Variants in ZCCHC14 observed in about 807,000 individuals in gnomAD.
The protein encoded by ZCCHC14 is zinc finger CCHC domain-containing protein 14.
In ZCCHC14, 16 loss-of-function variants were observed where a neutral mutation model predicts 85.0. The ratio of observed to expected loss-of-function variants is 0.19; its 90% CI spans 0.13 to 0.29. The LOEUF is 0.29. Ranked by LOEUF, ZCCHC14 falls within the 10% of genes least tolerant of loss-of-function variation. The pLI, the probability that ZCCHC14 is intolerant of heterozygous loss-of-function variation, is 1.00. For missense variants in ZCCHC14, 1,303 were observed against 1,443.5 expected (o/e 0.90, Z 1.58); for synonymous variants, 775 against 630.7 (o/e 1.23, Z -3.43).
At position 87,408,027 on chromosome 16, in the gene ZCCHC14, G is replaced by A. The variant is rs1375092679; in HGVS notation, c.*2253C>T. 6.6e-6 allele frequency: 1 copy of A among 152,668 alleles called. No individual in the cohort carries two copies. Among genetic ancestry groups the A allele is most frequent in the African/African-American group, 2.4e-5 (1 of 41,462 alleles). 9.5% of individuals were successfully genotyped at this position (152,668 alleles called of 1,614,324 possible). ...GTTCAAGACGACTGGCAGCTCCGCA[G>A]AGGCCTTCGCTGCTGGGAACACAGC... On this transcript the variant is annotated 3_prime_UTR_variant, in exon 13 of 13. Coordinates refer to ENST00000671377, the MANE Select transcript of ZCCHC14 (RefSeq NM_015144.3).
chr16:87,486,391 T>A (rs1431735751), intron 1 of ZCCHC14, among the ~76,000 whole-genome samples: 1 of 152,228 alleles, frequency 6.6e-6, no homozygotes, highest in Non-Finnish European at 1.5e-5. Flanking sequence ...CAACTGCCTA[T>A]GGTATTCAGT....
At chr16:87,426,353 T>A (rs1909371209) in intron 3 of ZCCHC14, among the ~76,000 whole-genome samples, 1 of 152,240 alleles carries the variant, frequency 6.6e-6, no homozygotes, top group African/African-American at 2.4e-5. Context: ...ACCCCATTAC[T>A]TTACATTTCA....
Position 87,412,021 on chromosome 16 carries a change from G to A in ZCCHC14, c.2700C>T (p.His900=), listed in dbSNP as rs952961795. The change falls in exon 12 of 13, where the codon CAC becomes CAT. Residue 900 remains histidine (H), a synonymous_variant. Coordinates refer to ENST00000671377, the MANE Select transcript of ZCCHC14 (RefSeq NM_015144.3). ...GCTGCTGATGGTGGTGGTGGTGGTG[G>A]TGGTTCGGATTCGAGGCAGGAATGT... The part of the protein sequence containing the change: ...TGNIPASNPN[H]HHHHHHQQPP... The A allele has an allele frequency of 6.2e-7, 1 of 1,609,486 alleles. No individual in the cohort carries two copies. The highest frequency in any genetic ancestry group is 8.5e-7 in the Non-Finnish European group (1 of 1,179,880).
intron 1 of ZCCHC14, among the ~76,000 whole-genome samples, chr16:87,475,790 G>T (rs1911979888): frequency 6.6e-6 from 1 of 152,126 alleles, no homozygotes; most frequent in Non-Finnish European, 1.5e-5. Context: ...CATACCTAGA[G>T]CTGGAGTCCC....
chr16:87,438,035 G>A (rs1052347754), intron 2 of ZCCHC14, among the ~76,000 whole-genome samples: 2 of 152,266 alleles, frequency 1.3e-5, no homozygotes, highest in African/African-American at 4.8e-5. Context: ...CCATGTGGCA[G>A]GAATAACATG....
intron 1 of ZCCHC14, among the ~76,000 whole-genome samples, chr16:87,486,800 A>G (rs938455931): frequency 3.3e-5 from 5 of 152,224 alleles, no homozygotes; most frequent in Non-Finnish European, 7.3e-5. Flanking sequence ...AAGTTCATAG[A>G]CCAGGCGGTT....
chr16:87,476,857 T>C (rs34410077), intron 1 of ZCCHC14, among the ~76,000 whole-genome samples: 29,061 of 151,418 alleles, frequency 0.19, 3,557 homozygotes, highest in South Asian at 0.59. Context: ...CCGGGCGCGG[T>C]GGCTCGTGCC....
chr16:87,435,858 C>G (rs1223944633), intron 2 of ZCCHC14, among the ~76,000 whole-genome samples: 1 of 152,278 alleles, frequency 6.6e-6, no homozygotes, highest in East Asian at 1.9e-4. Flanking sequence ...AGAGGCTACA[C>G]AGCCCTGCTG....
chr16:87,477,142 C>CAAA (rs1567542354), intron 1 of ZCCHC14, among the ~76,000 whole-genome samples: 5 of 78,604 alleles, frequency 6.4e-5, no homozygotes, highest in African/African-American at 3.4e-4. Flanking sequence ...AAAAAAAAAA[C>CAAA]AAAACAAAAC....
chr16:87,443,498 G>A (rs574880754), intron 2 of ZCCHC14, among the ~76,000 whole-genome samples: 1 of 152,186 alleles, frequency 6.6e-6, no homozygotes, highest in Non-Finnish European at 1.5e-5. Flanking sequence ...CACTTTGGGA[G>A]GCCAAGGCAG....
At chr16:87,451,724 G>A (rs1160323654) in intron 2 of ZCCHC14, among the ~76,000 whole-genome samples, 2 of 152,200 alleles carry the variant, frequency 1.3e-5, no homozygotes, top group African/African-American at 2.4e-5. Flanking sequence ...CAGGGCCCAG[G>A]AGCAGGACAG....
rs1451047334 is a variant in ZCCHC14, at chr16:87,420,166, G to A, written c.951-289C>T. 6.6e-6 allele frequency among the ~76,000 whole-genome samples: 1 copy of A among 152,190 alleles called. No individual in the cohort carries two copies. Among genetic ancestry groups the A allele is most frequent in the Non-Finnish European group, 1.5e-5 (1 of 68,042 alleles). On this transcript the variant is annotated intron_variant, in intron 5 of 12. Transcript: ENST00000671377. This position sits in a 1 kb window ranked among gnomAD's most constrained non-coding sequence, Gnocchi z 5.0. ...CCACCCACCAGCCAGAAAGGTGCTTGGACACTGGTCCCCAGGGCCCCGGCA... is the reference window on the plus strand; with the variant it reads ...CCACCCACCAGCCAGAAAGGTGCTTAGACACTGGTCCCCAGGGCCCCGGCA...
chr16:87,472,503 G>C (rs888679381), intron 1 of ZCCHC14: 11 of 152,412 alleles, frequency 7.2e-5, no homozygotes, highest in Admixed American at 2.0e-4. Context: ...CAGCAGCACC[G>C]CTGTGGCGCG....
intron 1 of ZCCHC14, among the ~76,000 whole-genome samples, chr16:87,460,897 T>C (rs1419554576): frequency 2.0e-5 from 3 of 152,356 alleles, no homozygotes; most frequent in East Asian, 3.8e-4. Flanking sequence ...ACTCGGTCTA[T>C]TTGGGGTACA....
At chr16:87,467,713 G>A in intron 1 of ZCCHC14, 2 of 661,748 alleles carry the variant, frequency 3.0e-6, no homozygotes, top group Admixed American at 2.2e-5. Flanking sequence ...GTGCAGTGGT[G>A]CGATCTTGGC....
In ZCCHC14 at chr16:87,420,555, C is replaced by T. The variant is rs1465851663; in HGVS notation, c.950+52G>A. Reference sequence around the variant, plus strand: ...AGGACCACAGCATTGACCACAGGACCAGCCTGTCCTTGCCAGCTGTGGACG... The same window carrying T: ...AGGACCACAGCATTGACCACAGGACTAGCCTGTCCTTGCCAGCTGTGGACG... On this transcript the variant is annotated intron_variant, in intron 5 of 12. Transcript: ENST00000671377. This position sits in a 1 kb window ranked among gnomAD's most constrained non-coding sequence, Gnocchi z 5.0. The T allele has an allele frequency of 6.8e-7, 1 of 1,463,392 alleles. No individual in the cohort carries two copies. Among genetic ancestry groups the T allele is most frequent in the Non-Finnish European group, 9.4e-7 (1 of 1,066,612 alleles). The allele number at this position is 1,463,392 out of a possible 1,614,324, so 90.7% of individuals were successfully genotyped here.
rs1911223015 is a variant in ZCCHC14, at chr16:87,460,828, CCTT to C, written c.571-700_571-698del. Among the ~76,000 whole-genome samples the C allele has an allele frequency of 2.0e-5, 3 of 152,348 alleles. No homozygotes were observed. In the East Asian group the frequency reaches 5.8e-4, roughly 29 times the overall value. On this transcript the variant is annotated intron_variant, in intron 1 of 12. Coordinates refer to ENST00000671377, the MANE Select transcript of ZCCHC14 (RefSeq NM_015144.3). ...ATTACACAGCAGGACTTAACATTCT[CCTT>C]CTATAAATCTTAAATCATAAAATGC...
chr16:87,479,690 CCAGA>C (rs1013423433), intron 1 of ZCCHC14, among the ~76,000 whole-genome samples: 3 of 152,118 alleles, frequency 2.0e-5, no homozygotes, highest in Admixed American at 6.6e-5. Flanking sequence ...GAAATATAAT[CCAGA>C]CAAACTTACT....
chr16:87,475,610 C>T (rs1335995892), intron 1 of ZCCHC14, among the ~76,000 whole-genome samples: 1 of 128,170 alleles, frequency 7.8e-6, no homozygotes, highest in African/African-American at 2.9e-5. Flanking sequence ...TATTTCTAAA[C>T]GAAGAAAAAT....
Sources: allele counts gnomAD v4.1 joint callset (sites outside exome capture counted in the v4.1 genomes callset), GRCh38; gene constraint gnomAD v4.1.1; non-coding constraint Gnocchi (gnomAD v3.1); transcripts MANE v1.5; gene names NCBI Gene and HGNC (gene_info 2026-07-23, HGNC 2026-07-21).